The following EPHB1 variants were observed in gnomAD, a reference collection of about 807,000 sequenced individuals.
The protein encoded by EPHB1 is ephrin type-B receptor 1.
A neutral mutation model predicts 94.4 loss-of-function variants in EPHB1; 30 were observed. The ratio of observed to expected loss-of-function variants is 0.32; its 90% confidence interval spans 0.24 to 0.43. The LOEUF is 0.43. Ranked by LOEUF, EPHB1 falls within the 20% of genes least tolerant of loss-of-function variation. EPHB1 has a pLI of 1.00. For missense variants in EPHB1, 1,055 were observed against 1,308.3 expected, an observed-to-expected ratio of 0.81 and a Z score of 2.99; for synonymous variants, 522 against 489.1, an observed-to-expected ratio of 1.07 and a Z score of -0.89.
chr3:135,133,085 T>G, intron 5 of EPHB1, 36 bp downstream of exon 5: 1 of 1,536,300 alleles, frequency 6.5e-7, no homozygotes, highest in Non-Finnish European at 8.8e-7. Flanking sequence ...TGTTTGGATG[T>G]GTGGCTGGCT....
intron 9 of EPHB1, among the ~76,000 whole-genome samples, chr3:135,171,036 C>A (rs1026161631): frequency 5.3e-5 from 8 of 152,128 alleles, no homozygotes; most frequent in Admixed American, 3.3e-4. Context: ...GGTAAGAGGG[C>A]AGAGCACAGA....
chr3:135,119,429 A>G (rs2107805182), intron 4 of EPHB1, among the ~76,000 whole-genome samples: 1 of 151,110 alleles, frequency 6.6e-6, no homozygotes. Context: ...ACTCTCTTAT[A>G]CTTTCTTTCA....
chr3:135,062,349 A>T (rs542294683), intron 3 of EPHB1, among the ~76,000 whole-genome samples: 1 of 152,320 alleles, frequency 6.6e-6, no homozygotes, highest in South Asian at 2.1e-4. Context: ...CCACGCCAAC[A>T]TCTACCATTT....
At chr3:134,795,972 C>T (rs1029512279) in intron 1 of EPHB1, among the ~76,000 whole-genome samples, 2 of 152,236 alleles carry the variant, frequency 1.3e-5, no homozygotes, top group African/African-American at 2.4e-5. Context: ...AGCCCCCGCT[C>T]GGAGAGCTCG....
intron 12 of EPHB1, among the ~76,000 whole-genome samples, chr3:135,205,286 T>C (rs1053211107): frequency 2.0e-4 from 30 of 152,192 alleles, no homozygotes; most frequent in Admixed American, 2.0e-3. Context: ...TATTTTTCTA[T>C]CGGGTTGTTT....
At chr3:135,018,156 A>G (rs565986161) in intron 3 of EPHB1, among the ~76,000 whole-genome samples, 66 of 152,242 alleles carry the variant, frequency 4.3e-4, no homozygotes, top group African/African-American at 1.6e-3. Flanking sequence ...GAAGCCCCCA[A>G]AATGCAGGGT....
At chr3:135,176,618 G>T (rs553907075) in intron 9 of EPHB1, among the ~76,000 whole-genome samples, 20 of 152,190 alleles carry the variant, frequency 1.3e-4, no homozygotes, top group Non-Finnish European at 2.2e-4. Flanking sequence ...TCACAGTGCA[G>T]ACTTTGTTCC....
chr3:134,904,575 C>T (rs16842244), intron 1 of EPHB1, among the ~76,000 whole-genome samples: 2,563 of 152,118 alleles, frequency 0.017, 73 homozygotes, highest in African/African-American at 0.058. Context: ...GCTGAGCCAG[C>T]GGATGGTTTG....
intron 3 of EPHB1, among the ~76,000 whole-genome samples, chr3:135,039,606 G>A (rs541865787): frequency 3.3e-5 from 5 of 152,222 alleles, no homozygotes; most frequent in African/African-American, 9.7e-5. Context: ...GCGAGAAATC[G>A]AGCACAGCGC....
At chr3:135,052,048 T>A (rs1366369158) in intron 3 of EPHB1, among the ~76,000 whole-genome samples, 2 of 152,252 alleles carry the variant, frequency 1.3e-5, no homozygotes, top group Non-Finnish European at 2.9e-5. Context: ...ATGTAACACA[T>A]GACTTTGTCA....
intron 3 of EPHB1, among the ~76,000 whole-genome samples, chr3:135,019,965 G>A (rs1935932459): frequency 6.6e-6 from 1 of 152,204 alleles, no homozygotes; most frequent in Non-Finnish European, 1.5e-5. Flanking sequence ...TACTGCCAAG[G>A]TATTGGTCTC....
At position 134,795,671 on chromosome 3, in the gene EPHB1, G is replaced by A. The variant is rs758299791; in HGVS notation, c.40G>A (p.Ala14Thr). The change falls in exon 1 of 16, where the codon GCA becomes ACA. Residue 14 changes from alanine (A) to threonine (T), a missense_variant. Physicochemically the swap from Ala to Thr is moderately conservative, Grantham distance 58. Transcript: ENST00000398015. The stretch of plus-strand genomic sequence containing the variant: ...TCTACTACTGCTCCTCCTGGCATCC[G>A]CAGTGGCTGCGATGGAAGGTAACGT... ...DYLLLLLLAS[A>T]VAAMEETLMD... 1 of 1,609,518 alleles carries A rather than the reference G, an allele frequency of 6.2e-7. No homozygotes were observed. The highest frequency in any genetic ancestry group is 8.5e-7 in the Non-Finnish European group (1 of 1,178,228).
intron 3 of EPHB1, among the ~76,000 whole-genome samples, chr3:134,991,565 G>A (rs1934800387): frequency 2.0e-5 from 3 of 152,118 alleles, no homozygotes; most frequent in Admixed American, 1.3e-4. Context: ...CCAGATAAAG[G>A]GGTCTAGAGG....
At chr3:135,046,349 C>T (rs1339086750) in intron 3 of EPHB1, among the ~76,000 whole-genome samples, 1 of 152,176 alleles carries the variant, frequency 6.6e-6, no homozygotes, top group African/African-American at 2.4e-5. Context: ...GTCACACAAG[C>T]TCCTTGAGGA....
chr3:134,891,742 C>T (rs2037988105), intron 1 of EPHB1, among the ~76,000 whole-genome samples: 1 of 152,210 alleles, frequency 6.6e-6, no homozygotes, highest in South Asian at 2.1e-4. Flanking sequence ...CATTGATATT[C>T]ATAAGCAAGA....
intron 5 of EPHB1, among the ~76,000 whole-genome samples, chr3:135,137,882 T>C (rs1404318315): frequency 6.6e-6 from 1 of 152,240 alleles, no homozygotes; most frequent in African/African-American, 2.4e-5. Flanking sequence ...CTGTATCAGA[T>C]ACATAACAGA....
At chr3:135,104,843 C>A (rs1390595859) in intron 3 of EPHB1, among the ~76,000 whole-genome samples, 1 of 152,208 alleles carries the variant, frequency 6.6e-6, no homozygotes, top group Admixed American at 6.5e-5. Flanking sequence ...GAAACTGAAA[C>A]CTTTTCCTCA....
chr3:135,021,645 C>A (rs1179114872), intron 3 of EPHB1, among the ~76,000 whole-genome samples: 1 of 152,074 alleles, frequency 6.6e-6, no homozygotes, highest in African/African-American at 2.4e-5. Flanking sequence ...ATAGTTACAT[C>A]TCTAATTTCT....
intron 3 of EPHB1, among the ~76,000 whole-genome samples, chr3:134,976,609 C>A (rs139003073): frequency 6.6e-6 from 1 of 152,184 alleles, no homozygotes; most frequent in African/African-American, 2.4e-5. Context: ...CCAGACGTCA[C>A]CCCATCTCCT....
Sources: gnomAD v4.1 joint callset for allele counts (sites outside exome capture counted in the v4.1 genomes callset) on GRCh38, gnomAD v4.1.1 for gene constraint, MANE v1.5 for transcripts, NCBI Gene and HGNC (gene_info 2026-07-23, HGNC 2026-07-21) for gene names.